Variants in CRB1 observed in about 807,000 individuals in gnomAD.
The protein encoded by CRB1 is crumbs cell polarity complex component 1, also known as protein crumbs homolog 1.
A neutral mutation model predicts 120.0 loss-of-function variants in CRB1; 83 were observed. The ratio of observed to expected loss-of-function variants is 0.69; its 90% confidence interval spans 0.58 to 0.83. The LOEUF is 0.83. CRB1 is among the 40% of genes least tolerant of loss of function. CRB1 has a pLI of 0.00. For synonymous variants in CRB1, 625 were observed against 612.5 expected (o/e 1.02, Z -0.30); for missense variants, 1,699 against 1,687.6 (o/e 1.01, Z -0.12).
chr1:197,280,166 A>G (rs1269545317), intron 1 of CRB1, among the ~76,000 whole-genome samples: 2 of 151,890 alleles, frequency 1.3e-5, no homozygotes, highest in Non-Finnish European at 2.9e-5. Flanking sequence ...TGGACAATTT[A>G]AAACTTTTGG....
intron 5 of CRB1, among the ~76,000 whole-genome samples, chr1:197,366,852 AC>A (rs1270701042): frequency 6.6e-6 from 1 of 152,230 alleles, no homozygotes; most frequent in African/African-American, 2.4e-5. Flanking sequence ...TATTTTAATG[AC>A]TAGAATTGAA....
rs35012815 is a variant in CRB1, at chr1:197,476,362, T to TTGTG, written c.4006-1269_4006-1266dup. 1.8e-3 allele frequency among the ~76,000 whole-genome samples: 249 copies of TTGTG among 140,490 alleles called. 1 individual carries two copies. The highest frequency in any genetic ancestry group is 3.0e-3 in the African/African-American group (119 of 39,054). The allele number at this position is 140,490 out of a possible 152,430, so 92.2% of individuals were successfully genotyped here. A position where few individuals can be genotyped will look rare whatever the true frequency, so the allele number is the denominator to read the frequency against. ...CCTATCTGTAATGTATTATGATTAT[T>TTGTG]TGTGTGTGTGTGTGTGTGTGTGTGT... is the stretch of plus-strand genomic sequence containing the variant. On this transcript the variant is annotated intron_variant, in intron 11 of 11. Transcript: ENST00000367400.
intron 5 of CRB1, among the ~76,000 whole-genome samples, chr1:197,395,312 T>C (rs938867128): frequency 7.2e-5 from 11 of 152,288 alleles, no homozygotes; most frequent in Admixed American, 5.2e-4. Flanking sequence ...CCAAGTAATG[T>C]ACATAATATC....
At chr1:197,215,834 C>G in the CRB1 span, among the ~76,000 whole-genome samples, 2 of 152,152 alleles carry the variant, frequency 1.3e-5, no homozygotes, top group South Asian at 2.1e-4. Flanking sequence ...GTTATTGCAT[C>G]TCAGAACTTT....
intron 4 of CRB1, among the ~76,000 whole-genome samples, chr1:197,351,483 G>A (rs4915512): frequency 5.9e-5 from 9 of 152,000 alleles, no homozygotes; most frequent in African/African-American, 2.2e-4. Context: ...GCTGGAGGTA[G>A]AAACATTGAA....
chr1:197,258,372 CAA>C, the CRB1 span, among the ~76,000 whole-genome samples: 1 of 152,118 alleles, frequency 6.6e-6, no homozygotes, highest in Non-Finnish European at 1.5e-5. Flanking sequence ...GTTTTCTGCA[CAA>C]CCCATCTTTT....
rs370907719 is a variant in CRB1 at position 197,328,834 on chromosome 1, C to T, written c.483C>T (p.Ala161=). 6.7e-5 allele frequency: 108 copies of T among 1,613,944 alleles called. No homozygotes were observed. Among genetic ancestry groups the T allele is most frequent in the Non-Finnish European group, 8.3e-5 (98 of 1,179,998 alleles). ...ECASSPCQNG[A]VCQDGIDGYS... Reference sequence around the variant, plus strand: ...CTTCCAGCCCTTGCCAAAATGGGGCCGTGTGCCAGGATGGAATTGATGGTT... The same window carrying T: ...CTTCCAGCCCTTGCCAAAATGGGGCTGTGTGCCAGGATGGAATTGATGGTT... The change falls in exon 2 of 12, where the codon GCC becomes GCT. Residue 161 remains alanine, a synonymous_variant. Transcript: ENST00000367400.
intron 10 of CRB1, chr1:197,441,696 G>A (rs1275165380): frequency 1.9e-5 from 1 of 53,814 alleles, no homozygotes; most frequent in Non-Finnish European, 3.5e-5. Context: ...TTTCTCTTTG[G>A]TGGGCTTTTT....
chr1:197,464,539 G>A (rs1361819319), intron 11 of CRB1, among the ~76,000 whole-genome samples: 2 of 151,970 alleles, frequency 1.3e-5, no homozygotes, highest in Non-Finnish European at 2.9e-5. Flanking sequence ...AGAGAGTTGC[G>A]CTGCACTGCA....
the CRB1 span, among the ~76,000 whole-genome samples, chr1:197,259,983 TAAAA>T: frequency 1.5e-5 from 2 of 131,146 alleles, no homozygotes; most frequent in African/African-American, 2.8e-5. Context: ...GCCCCATGTC[TAAAA>T]AAAAAAAAAA....
chr1:197,291,060 T>G (rs1459136923), intron 1 of CRB1, among the ~76,000 whole-genome samples: 1 of 151,850 alleles, frequency 6.6e-6, no homozygotes, highest in Non-Finnish European at 1.5e-5. Context: ...ACAGACTAGT[T>G]CAACGTTTGT....
intron 2 of CRB1, among the ~76,000 whole-genome samples, chr1:197,330,841 T>C (rs1658809877): frequency 6.6e-6 from 1 of 152,204 alleles, no homozygotes; most frequent in Non-Finnish European, 1.5e-5. Flanking sequence ...GTTTTATATT[T>C]ATTCTTTAAT....
chr1:197,228,391 A>G, the CRB1 span, among the ~76,000 whole-genome samples: 1 of 152,130 alleles, frequency 6.6e-6, no homozygotes, highest in Non-Finnish European at 1.5e-5. Context: ...GATACCTTAA[A>G]TCATCTCTCT....
At chr1:197,475,269 T>A (rs1407790051) in intron 11 of CRB1, among the ~76,000 whole-genome samples, 1 of 152,262 alleles carries the variant, frequency 6.6e-6, no homozygotes, top group South Asian at 2.1e-4. Flanking sequence ...ATATTCTTCC[T>A]ACACAAACCT....
chr1:197,401,773 A>G (rs1490208549), intron 5 of CRB1, among the ~76,000 whole-genome samples: 1 of 152,136 alleles, frequency 6.6e-6, no homozygotes, highest in African/African-American at 2.4e-5. Flanking sequence ...TTTTTAGGCT[A>G]TGCACTTATC....
the CRB1 span, among the ~76,000 whole-genome samples, chr1:197,262,331 T>G: frequency 6.6e-6 from 1 of 152,150 alleles, no homozygotes; most frequent in Admixed American, 6.5e-5. Flanking sequence ...ATTTTAAAAC[T>G]GTACCTTCTA....
At position 197,421,324 on chromosome 1, in the gene CRB1, G is replaced by A. The variant is rs1283508348; in HGVS notation, c.1496G>A (p.Gly499Asp). 1 of 1,614,184 alleles carries A rather than the reference G, an allele frequency of 6.2e-7. No individual in the cohort carries two copies. The change falls in exon 6 of 12, where the codon GGC becomes GAC. Residue 499 changes from glycine (G) to aspartate (D), a missense_variant. Gly to Asp is a moderately conservative substitution (Grantham distance 94). Coordinates refer to ENST00000367400, the MANE Select transcript of CRB1 (RefSeq NM_201253.3). ...GATGGCTTCCTGTGGGTCAAAAGTG[G>A]CTCAGTGACAACCAAGGGCTCAGTT... ...EGDGFLWVKSGSVTTKGSVCN... is the reference protein window; with the variant it reads ...EGDGFLWVKSDSVTTKGSVCN...
chr1:197,217,349 A>G, the CRB1 span, among the ~76,000 whole-genome samples: 1 of 152,192 alleles, frequency 6.6e-6, no homozygotes, highest in Non-Finnish European at 1.5e-5. Context: ...TTGAAAGCAC[A>G]TGTTCACACA....
At chr1:197,308,519 G>A (rs1571810471) in intron 1 of CRB1, among the ~76,000 whole-genome samples, 1 of 152,120 alleles carries the variant, frequency 6.6e-6, no homozygotes, top group Non-Finnish European at 1.5e-5. Context: ...GATTAAATGA[G>A]CTAATCTATA....
Sources: gnomAD v4.1 joint callset for allele counts (sites outside exome capture counted in the v4.1 genomes callset) on GRCh38, gnomAD v4.1.1 for gene constraint, MANE v1.5 for transcripts, NCBI Gene and HGNC (gene_info 2026-07-23, HGNC 2026-07-21) for gene names.